Variants in POLR2B observed in about 807,000 individuals in gnomAD.
POLR2B encodes the protein DNA-directed RNA polymerase II subunit RPB2.
In POLR2B, 57 loss-of-function variants were observed where a neutral mutation model predicts 144.6. The ratio of observed to expected loss-of-function variants is 0.39; its 90% CI spans 0.32 to 0.49. The LOEUF is 0.49. POLR2B is among the 20% of genes least tolerant of loss of function. The pLI, the probability that POLR2B is intolerant of heterozygous loss-of-function variation, is 0.83. For missense variants in POLR2B, 595 were observed against 1,467.4 expected (o/e 0.41, Z 9.71); for synonymous variants, 442 against 469.8 (o/e 0.94, Z 0.77).
chr4:57,003,457 A>G (rs1458709279), intron 7 of POLR2B, among the ~76,000 whole-genome samples: 1 of 144,732 alleles, frequency 6.9e-6, no homozygotes, highest in Non-Finnish European at 1.5e-5. Context: ...TTGGGCTGGC[A>G]TGGTGGCTCA....
chr4:57,007,495 A>G (rs1379334831), intron 10 of POLR2B, among the ~76,000 whole-genome samples: 1 of 152,248 alleles, frequency 6.6e-6, no homozygotes, highest in Non-Finnish European at 1.5e-5. Flanking sequence ...TAGTATTACT[A>G]AGATAGATTT....
chr4:56,984,084 C>G (rs1227591405), intron 1 of POLR2B, among the ~76,000 whole-genome samples: 1 of 150,526 alleles, frequency 6.6e-6, no homozygotes, highest in Non-Finnish European at 1.5e-5. Flanking sequence ...AGGCTGGTCT[C>G]GAACTCCTGG....
chr4:57,000,497 G>C (rs1031704579), intron 7 of POLR2B, among the ~76,000 whole-genome samples: 1 of 152,036 alleles, frequency 6.6e-6, no homozygotes, highest in Non-Finnish European at 1.5e-5. Flanking sequence ...TTCAACAGTT[G>C]TTACTTTTGT....
Position 57,015,558 on chromosome 4 carries a change from C to T in POLR2B, c.1857C>T (p.Gly619=). The T allele has an allele frequency of 6.7e-7, 1 of 1,494,202 alleles. No homozygotes were observed. Among genetic ancestry groups the T allele is most frequent in the Non-Finnish European group, 9.0e-7 (1 of 1,107,062 alleles). 92.6% of individuals were successfully genotyped at this position (1,494,202 alleles called of 1,614,324 possible). The part of the protein sequence containing the change: ...EREIRIYTDA[G]RICRPLLIVE... Reference sequence around the variant, plus strand: ...AGATTCGGATCTATACGGATGCAGGCCGTATTTGTAGACCACTTCTGATTG... The same window carrying T: ...AGATTCGGATCTATACGGATGCAGGTCGTATTTGTAGACCACTTCTGATTG... Residue 619 remains glycine, a synonymous_variant, in exon 14 of 25, where the codon GGC becomes GGT. Coordinates refer to ENST00000314595, the MANE Select transcript of POLR2B (RefSeq NM_000938.3).
chr4:57,025,081 T>G, intron 22 of POLR2B, 82 bp downstream of exon 22: 1 of 733,804 alleles, frequency 1.4e-6, no homozygotes, highest in East Asian at 2.5e-5. Flanking sequence ...ATGTAACCTT[T>G]TATTGAAGTA....
At position 57,023,312 on chromosome 4, in the gene POLR2B, G is replaced by T. The variant is rs767540267; in HGVS notation, c.2516-18G>T. On this transcript the variant is annotated intron_variant, in intron 18 of 24. Transcript: ENST00000314595. The surrounding 1 kb of genome is among the most constrained non-coding windows in gnomAD (Gnocchi z 4.3). ...TTTGTTGGGGATTATGTGACATTCCGTGTCTATTTCCTCACAGGCATGAGG... is the reference window on the plus strand; with the variant it reads ...TTTGTTGGGGATTATGTGACATTCCTTGTCTATTTCCTCACAGGCATGAGG... 2 of 1,612,504 alleles carry T rather than the reference G, an allele frequency of 1.2e-6. No individual in the cohort carries two copies. Among genetic ancestry groups the T allele is most frequent in the Non-Finnish European group, 1.7e-6 (2 of 1,178,914 alleles).
intron 16 of POLR2B, among the ~76,000 whole-genome samples, chr4:57,019,315 C>G (rs1400506878): frequency 6.6e-6 from 1 of 151,918 alleles, no homozygotes; most frequent in Non-Finnish European, 1.5e-5. Flanking sequence ...AGAGTCATGG[C>G]TGGCAGGGAC....
intron 17 of POLR2B, 145 bp downstream of exon 17, chr4:57,021,140 C>T: frequency 1.6e-6 from 1 of 625,022 alleles, no homozygotes; most frequent in Non-Finnish European, 2.8e-6. Context: ...GCTGAAGATA[C>T]TACTTGTATC....
chr4:57,030,475 G>A, intron 24 of POLR2B, 76 bp downstream of exon 24: 1 of 1,082,292 alleles, frequency 9.2e-7, no homozygotes, highest in Non-Finnish European at 1.3e-6. Context: ...GGCAGAATTA[G>A]TGTGGCAGAA....
chr4:56,987,858 G>C (rs1389090389), intron 2 of POLR2B, among the ~76,000 whole-genome samples: 1 of 151,852 alleles, frequency 6.6e-6, no homozygotes, highest in Non-Finnish European at 1.5e-5. Flanking sequence ...CTCCAGCCTG[G>C]GTGGCAGAGT....
At chr4:57,029,634 C>T (rs193299499) in intron 23 of POLR2B, among the ~76,000 whole-genome samples, 59 of 152,308 alleles carry the variant, frequency 3.9e-4, no homozygotes, top group Admixed American at 3.8e-3. Flanking sequence ...CCTGTTCTTT[C>T]CATTACTTCA....
At chr4:56,998,243 C>CT (rs1222857834) in intron 6 of POLR2B, among the ~76,000 whole-genome samples, 2 of 145,566 alleles carry the variant, frequency 1.4e-5, no homozygotes, top group Non-Finnish European at 3.0e-5. Context: ...TTTTTGGAGA[C>CT]TAAGTCTGGA....
intron 1 of POLR2B, among the ~76,000 whole-genome samples, chr4:56,980,276 G>A (rs957123373): frequency 4.6e-5 from 7 of 151,728 alleles, no homozygotes; most frequent in African/African-American, 1.7e-4. Flanking sequence ...TTTATATCTT[G>A]TGTTGTAGAA....
rs1240976493 is a variant in POLR2B at position 56,978,966 on chromosome 4, C to G, written c.-20C>G. ...GTCTTTTGATTTCAAGAGTTAGGAGCTCGAGAACCGTTTGGCAATATGTAC... is the reference window on the plus strand; with the variant it reads ...GTCTTTTGATTTCAAGAGTTAGGAGGTCGAGAACCGTTTGGCAATATGTAC... On this transcript the variant is annotated 5_prime_UTR_variant, in exon 1 of 25. Coordinates refer to ENST00000314595, the MANE Select transcript of POLR2B (RefSeq NM_000938.3). The G allele has an allele frequency of 6.2e-7, 1 of 1,613,336 alleles. No individual in the cohort carries two copies. Among genetic ancestry groups the G allele is most frequent in the Non-Finnish European group, 8.5e-7 (1 of 1,179,398 alleles).
intron 3 of POLR2B, among the ~76,000 whole-genome samples, chr4:56,991,366 A>G (rs894755849): frequency 4.6e-5 from 7 of 152,210 alleles, no homozygotes; most frequent in African/African-American, 1.7e-4. Context: ...GCTCACATAT[A>G]TGCAGGTTTT....
intron 6 of POLR2B, among the ~76,000 whole-genome samples, chr4:56,999,208 G>GTC (rs1367255853): frequency 2.6e-5 from 2 of 76,400 alleles, no homozygotes; most frequent in Admixed American, 2.1e-4. Flanking sequence ...TATCTGTATT[G>GTC]TCTCTTTTTT....
At chr4:57,021,485 C>CTTTTTT (rs34804702) in intron 17 of POLR2B, among the ~76,000 whole-genome samples, 8 of 110,334 alleles carry the variant, frequency 7.3e-5, no homozygotes, top group South Asian at 3.4e-4. Flanking sequence ...AATGTAAAAA[C>CTTTTTT]TTTTTTTTTT....
At chr4:57,028,313 A>T (rs1417180568) in intron 23 of POLR2B, among the ~76,000 whole-genome samples, 3 of 152,120 alleles carry the variant, frequency 2.0e-5, no homozygotes, top group Non-Finnish European at 4.4e-5. Flanking sequence ...TTTATTTTTT[A>T]TATAGAGACT....
chr4:56,989,518 T>C (rs10034163), intron 2 of POLR2B, among the ~76,000 whole-genome samples: 14,486 of 152,294 alleles, frequency 0.095, 903 homozygotes, highest in African/African-American at 0.17. Context: ...GCCAATTTGT[T>C]GGCCTGTCAC....
Sources: allele counts gnomAD v4.1 joint callset (sites outside exome capture counted in the v4.1 genomes callset), GRCh38; gene constraint gnomAD v4.1.1; non-coding constraint Gnocchi (gnomAD v3.1); transcripts MANE v1.5; gene names NCBI Gene and HGNC (gene_info 2026-07-23, HGNC 2026-07-21).